Variants in STXBP5L observed in about 807,000 individuals in gnomAD.
STXBP5L encodes the protein syntaxin-binding protein 5-like.
In STXBP5L, 65 loss-of-function variants were observed where a neutral mutation model predicts 144.5. That is an observed-to-expected ratio of 0.45 (90% CI 0.37 to 0.55). The LOEUF is 0.55. Ranked by LOEUF, STXBP5L falls within the 20% of genes least tolerant of loss-of-function variation. The pLI is 0.00. For synonymous variants in STXBP5L, 505 were observed against 469.6 expected (o/e 1.08, Z -0.97); for missense variants, 1,298 against 1,405.5 (o/e 0.92, Z 1.22).
intron 22 of STXBP5L, among the ~76,000 whole-genome samples, chr3:121,387,364 A>G (rs920883125): frequency 1.1e-4 from 16 of 152,038 alleles, no homozygotes; most frequent in Non-Finnish European, 2.2e-4. Context: ...TTGCCTGTTC[A>G]CTCTGATGGC....
chr3:121,380,014 T>G (rs189119636), intron 21 of STXBP5L, among the ~76,000 whole-genome samples: 47 of 152,188 alleles, frequency 3.1e-4, no homozygotes, highest in Admixed American at 1.6e-3. Context: ...TTTCAGTTTT[T>G]GTAGAGACAG....
intron 3 of STXBP5L, among the ~76,000 whole-genome samples, chr3:120,985,617 C>T (rs1023688894): frequency 6.6e-6 from 1 of 151,732 alleles, no homozygotes; most frequent in African/African-American, 2.4e-5. Flanking sequence ...TAGGTCTATT[C>T]AGATTTTCTG....
intron 7 of STXBP5L, among the ~76,000 whole-genome samples, chr3:121,145,060 A>T (rs555541545): frequency 4.3e-4 from 65 of 152,014 alleles, no homozygotes; most frequent in African/African-American, 1.5e-3. Flanking sequence ...AGCAAGCTTG[A>T]TTGATGTATA....
chr3:121,192,430 C>T (rs970705690), intron 9 of STXBP5L, among the ~76,000 whole-genome samples: 1 of 152,184 alleles, frequency 6.6e-6, no homozygotes, highest in Non-Finnish European at 1.5e-5. Flanking sequence ...CCGTCTCCAT[C>T]AAGCTATCAA....
chr3:121,268,060 A>G (rs564693911), intron 18 of STXBP5L, among the ~76,000 whole-genome samples: 1 of 152,328 alleles, frequency 6.6e-6, no homozygotes, highest in South Asian at 2.1e-4. Context: ...ATTACTGGAT[A>G]TATACCCAAA....
intron 20 of STXBP5L, among the ~76,000 whole-genome samples, chr3:121,326,799 C>T (rs1344376348): frequency 2.6e-5 from 4 of 152,044 alleles, no homozygotes; most frequent in African/African-American, 9.7e-5. Flanking sequence ...GGTGAATATC[C>T]ATGGCCTGAA....
chr3:120,970,432 T>C (rs1038226245), intron 3 of STXBP5L, among the ~76,000 whole-genome samples: 33 of 152,162 alleles, frequency 2.2e-4, no homozygotes, highest in African/African-American at 7.7e-4. Context: ...GTTTAAATGA[T>C]ACTTTTGCTG....
intron 3 of STXBP5L, among the ~76,000 whole-genome samples, chr3:120,996,928 A>G (rs1943395803): frequency 6.6e-6 from 1 of 152,134 alleles, no homozygotes; most frequent in South Asian, 2.1e-4. Flanking sequence ...AGTAGTCAAT[A>G]GTTTTTCAAT....
At chr3:121,313,692 A>G (rs1357865191) in intron 19 of STXBP5L, among the ~76,000 whole-genome samples, 5 of 39,154 alleles carry the variant, frequency 1.3e-4, no homozygotes, top group Non-Finnish European at 2.3e-4. Context: ...CGGGCAGAGG[A>G]GCCCCTCACC....
At chr3:120,989,896 A>C (rs1942664282) in intron 3 of STXBP5L, among the ~76,000 whole-genome samples, 2 of 152,288 alleles carry the variant, frequency 1.3e-5, no homozygotes, top group Middle Eastern at 3.4e-3. Flanking sequence ...GAAAACTGGC[A>C]CAAGACAGGG....
At chr3:121,004,640 G>A (rs1377836583) in intron 3 of STXBP5L, among the ~76,000 whole-genome samples, 5 of 152,072 alleles carry the variant, frequency 3.3e-5, no homozygotes, top group African/African-American at 4.8e-5. Flanking sequence ...GTTTTCAAAG[G>A]GAATGCTTCC....
chr3:121,282,447 G>A (rs1333385221), intron 19 of STXBP5L: 2 of 977,782 alleles, frequency 2.0e-6, no homozygotes, highest in South Asian at 1.9e-5. Context: ...CAGCATGCAT[G>A]CAAATTTTTG....
intron 20 of STXBP5L, among the ~76,000 whole-genome samples, chr3:121,372,178 G>A (rs1041490015): frequency 1.3e-5 from 2 of 152,110 alleles, no homozygotes; most frequent in African/African-American, 4.8e-5. Context: ...GGACCCCCAG[G>A]AGGTACCTAG....
chr3:120,947,166 T>G (rs1453358098), intron 2 of STXBP5L, among the ~76,000 whole-genome samples: 2 of 151,836 alleles, frequency 1.3e-5, no homozygotes, highest in Non-Finnish European at 2.9e-5. Context: ...ACTTATTTTT[T>G]ACTAGCTTTG....
In STXBP5L at chr3:121,333,219, C is replaced by A. The variant is rs533802795; in HGVS notation, c.2176+14679C>A. Among the ~76,000 whole-genome samples the A allele has an allele frequency of 1.1e-4, 17 of 152,214 alleles. No individual in the cohort carries two copies. In the South Asian group the frequency reaches 3.5e-3, roughly 32 times the overall value. On this transcript the variant is annotated intron_variant, in intron 20 of 26. Transcript: ENST00000471454. ...GTAGCAATCAACATGATGATTGGAA[C>A]AGTACCTCACATCTCAACAGTAATG... is the stretch of plus-strand genomic sequence containing the variant.
intron 22 of STXBP5L, among the ~76,000 whole-genome samples, chr3:121,389,806 T>G (rs929571834): frequency 1.3e-5 from 2 of 152,150 alleles, no homozygotes; most frequent in African/African-American, 4.8e-5. Flanking sequence ...TTACTTCCAA[T>G]TATGTGGTCA....
At chr3:121,397,247 T>A (rs540429920) in intron 22 of STXBP5L, among the ~76,000 whole-genome samples, 1 of 152,306 alleles carries the variant, frequency 6.6e-6, no homozygotes, top group African/African-American at 2.4e-5. Context: ...AAAGGCCAAT[T>A]TTTAGGAATT....
intron 23 of STXBP5L, among the ~76,000 whole-genome samples, chr3:121,409,532 G>C (rs775267191): frequency 7.9e-5 from 12 of 151,738 alleles, no homozygotes; most frequent in Admixed American, 3.3e-4. Context: ...TATAGATCAG[G>C]GTTTAGCAAA....
chr3:120,925,621 T>C (rs1037803519), intron 2 of STXBP5L, among the ~76,000 whole-genome samples: 4 of 152,192 alleles, frequency 2.6e-5, no homozygotes, highest in Non-Finnish European at 5.9e-5. Context: ...ACTTGGATAA[T>C]TGAGTCCATT....
Sources: allele counts gnomAD v4.1 joint callset (sites outside exome capture counted in the v4.1 genomes callset), GRCh38; gene constraint gnomAD v4.1.1; transcripts MANE v1.5; gene names NCBI Gene and HGNC (gene_info 2026-07-23, HGNC 2026-07-21).